The following MEI4 variants were observed in gnomAD, a reference collection of about 807,000 sequenced individuals.
MEI4 encodes meiosis-specific protein MEI4.
In MEI4, 27 loss-of-function variants were observed where a neutral mutation model predicts 31.4. The observed-to-expected ratio is 0.86, with a 90% CI of 0.63 to 1.19. The LOEUF is 1.19. Ranked by LOEUF, MEI4 falls within the 50% of genes most tolerant of loss-of-function variation. The probability of loss-of-function intolerance (pLI) is 0.00; values close to 1 mark genes in which losing one functional copy is unlikely to be tolerated. For missense variants in MEI4, 329 were observed against 398.9 expected (o/e 0.82, Z 1.49); for synonymous variants, 122 against 145.4 (o/e 0.84, Z 1.16).
chr6:77,650,793 TCGGC>T (rs1768286311), upstream of MEI4, among the ~76,000 whole-genome samples: 1 of 152,226 alleles, frequency 6.6e-6, no homozygotes, highest in Non-Finnish European at 1.5e-5. Context: ...TGCTGAAGCA[TCGGC>T]CCACACCTGT....
chr6:77,827,137 G>A (rs1218255068), intron 3 of MEI4, among the ~76,000 whole-genome samples: 1 of 152,054 alleles, frequency 6.6e-6, no homozygotes, highest in East Asian at 1.9e-4. Context: ...AAGGCGGGCA[G>A]ATCACGAGGT....
At chr6:77,873,886 C>G (rs1486013597) in intron 4 of MEI4, among the ~76,000 whole-genome samples, 3 of 152,030 alleles carry the variant, frequency 2.0e-5, no homozygotes, top group Admixed American at 1.3e-4. Flanking sequence ...GCTTGTTTTT[C>G]TCAGGTTTGT....
intron 2 of MEI4, among the ~76,000 whole-genome samples, chr6:77,702,667 C>G (rs1221781957): frequency 6.6e-6 from 1 of 152,120 alleles, no homozygotes; most frequent in African/African-American, 2.4e-5. Context: ...AGCCCAGTCT[C>G]AAGTCATCTT....
chr6:77,804,359 T>G (rs1769370448), intron 3 of MEI4, among the ~76,000 whole-genome samples: 1 of 152,190 alleles, frequency 6.6e-6, no homozygotes, highest in Non-Finnish European at 1.5e-5. Context: ...TGTCACCCCT[T>G]TCTTTGATTA....
At chr6:77,690,356 C>T (rs1393609085) in intron 1 of MEI4, among the ~76,000 whole-genome samples, 5 of 152,110 alleles carry the variant, frequency 3.3e-5, no homozygotes, top group East Asian at 3.9e-4. Context: ...GATTCTGATA[C>T]GTTTCTCTGG....
chr6:77,731,823 A>C (rs1346894001), intron 2 of MEI4, among the ~76,000 whole-genome samples: 1 of 151,994 alleles, frequency 6.6e-6, no homozygotes, highest in Non-Finnish European at 1.5e-5. Flanking sequence ...TAAGGAAGGG[A>C]TCCAGTTTCA....
At chr6:77,911,287 TA>T (rs1268713497) in intron 4 of MEI4, among the ~76,000 whole-genome samples, 1 of 152,110 alleles carries the variant, frequency 6.6e-6, no homozygotes, top group East Asian at 1.9e-4. Flanking sequence ...CCAATTCAAC[TA>T]TTTTTTTGTT....
intron 2 of MEI4, among the ~76,000 whole-genome samples, chr6:77,734,493 G>A (rs186278669): frequency 1.2e-4 from 18 of 152,050 alleles, no homozygotes; most frequent in African/African-American, 4.4e-4. Flanking sequence ...TTGCTTGGTA[G>A]ATCTTCCTCC....
At chr6:77,772,513 T>C (rs928827812) in intron 3 of MEI4, among the ~76,000 whole-genome samples, 2 of 151,942 alleles carry the variant, frequency 1.3e-5, no homozygotes, top group African/African-American at 4.8e-5. Context: ...TAAACTTCAG[T>C]ATCCCTCCAG....
chr6:77,675,547 T>TA (rs370392930), intron 1 of MEI4, among the ~76,000 whole-genome samples: 54 of 138,780 alleles, frequency 3.9e-4, no homozygotes, highest in African/African-American at 1.4e-3. Context: ...TTTTTTTTTT[T>TA]AAAAAAAAGG....
At chr6:77,790,769 A>T (rs1768901545) in intron 3 of MEI4, among the ~76,000 whole-genome samples, 1 of 152,140 alleles carries the variant, frequency 6.6e-6, no homozygotes, top group Admixed American at 6.6e-5. Flanking sequence ...TCAACAAAAA[A>T]ATTGTATCTA....
chr6:77,919,318 C>G (rs1361987242), intron 4 of MEI4, among the ~76,000 whole-genome samples: 2 of 152,208 alleles, frequency 1.3e-5, no homozygotes, highest in African/African-American at 2.4e-5. Context: ...ACAATGCAAT[C>G]AAACTAGAAC....
At chr6:77,797,571 G>T (rs559468675) in intron 3 of MEI4, among the ~76,000 whole-genome samples, 9 of 152,266 alleles carry the variant, frequency 5.9e-5, no homozygotes, top group Admixed American at 2.0e-4. Context: ...TCAGTCTGTA[G>T]TCAAAGGCCC....
intron 2 of MEI4, among the ~76,000 whole-genome samples, chr6:77,700,047 A>G (rs1269271999): frequency 6.6e-6 from 1 of 152,144 alleles, no homozygotes. Context: ...CGGGTCAGGG[A>G]CCCACTTGAG....
At chr6:77,884,282 A>G (rs1434547973) in intron 4 of MEI4, among the ~76,000 whole-genome samples, 5 of 152,034 alleles carry the variant, frequency 3.3e-5, no homozygotes, top group African/African-American at 1.2e-4. Flanking sequence ...GTTAGCAAAT[A>G]TTTTCCCTCA....
chr6:77,868,568 A>C (rs2063600), intron 4 of MEI4, among the ~76,000 whole-genome samples: 110,547 of 133,380 alleles, frequency 0.83, 46,485 homozygotes, highest in African/African-American at 0.96. Context: ...GTGTCTAGAG[A>C]ACTCTGCAAT....
At chr6:77,759,506 A>G (rs1022326377) in intron 2 of MEI4, among the ~76,000 whole-genome samples, 5 of 152,084 alleles carry the variant, frequency 3.3e-5, no homozygotes, top group African/African-American at 1.2e-4. Context: ...ATGTGACTAA[A>G]CCTGAACTTT....
chr6:77,684,305 T>A (rs1769013014), intron 1 of MEI4, among the ~76,000 whole-genome samples: 1 of 152,176 alleles, frequency 6.6e-6, no homozygotes, highest in African/African-American at 2.4e-5. Context: ...TGAGATACTT[T>A]GATACAGGAA....
chr6:77,703,684 T>G (rs1198788496), intron 2 of MEI4, among the ~76,000 whole-genome samples: 3 of 152,190 alleles, frequency 2.0e-5, no homozygotes, highest in Non-Finnish European at 2.9e-5. Context: ...ATCCTGAAAT[T>G]TATTTTTTAG....
Sources: allele counts gnomAD v4.1 joint callset (sites outside exome capture counted in the v4.1 genomes callset), GRCh38; gene constraint gnomAD v4.1.1; transcripts MANE v1.5; gene names NCBI Gene and HGNC (gene_info 2026-07-23, HGNC 2026-07-21).